Variants in EDIL3 observed in about 807,000 individuals in gnomAD.
EDIL3 encodes the protein EGF-like repeat and discoidin I-like domain-containing protein 3.
Under a neutral mutation model 67.4 loss-of-function variants are expected in EDIL3, and 37 were observed. That is an observed-to-expected ratio of 0.55 (90% CI 0.42 to 0.72). EDIL3 has a LOEUF of 0.72. Ranked by LOEUF, EDIL3 falls within the 30% of genes least tolerant of loss-of-function variation. The pLI is 0.00. For synonymous variants in EDIL3, 195 were observed against 196.3 expected, an observed-to-expected ratio of 0.99 and a Z score of 0.05; for missense variants, 527 against 586.3, an observed-to-expected ratio of 0.90 and a Z score of 1.04.
At chr5:84,093,486 G>T (rs1041770591) in intron 6 of EDIL3, among the ~76,000 whole-genome samples, 1 of 152,082 alleles carries the variant, frequency 6.6e-6, no homozygotes, top group Non-Finnish European at 1.5e-5. Context: ...GAATGATGGG[G>T]CTGAATCTAA....
At chr5:84,070,895 T>A (rs1387092783) in intron 6 of EDIL3, among the ~76,000 whole-genome samples, 1 of 152,176 alleles carries the variant, frequency 6.6e-6, no homozygotes, top group African/African-American at 2.4e-5. Context: ...TGAGGGTAAC[T>A]CCAAGGGCTC....
At chr5:84,346,445 T>C (rs1171389063) in intron 1 of EDIL3, among the ~76,000 whole-genome samples, 1 of 152,202 alleles carries the variant, frequency 6.6e-6, no homozygotes, top group Middle Eastern at 3.2e-3. Flanking sequence ...GTTCAGATCC[T>C]AGAGTCACAG....
chr5:84,266,866 T>C (rs1745363486), intron 1 of EDIL3, among the ~76,000 whole-genome samples: 1 of 152,208 alleles, frequency 6.6e-6, no homozygotes, highest in South Asian at 2.1e-4. Context: ...TTAGTATATT[T>C]TATCATTTTA....
At chr5:84,292,619 AT>A (rs545368255) in intron 1 of EDIL3, among the ~76,000 whole-genome samples, 1 of 152,230 alleles carries the variant, frequency 6.6e-6, no homozygotes, top group Admixed American at 6.5e-5. Context: ...ATTATATCCT[AT>A]TTTTTTAAGA....
intron 6 of EDIL3, among the ~76,000 whole-genome samples, chr5:84,069,745 G>C (rs1746703417): frequency 6.6e-6 from 1 of 152,086 alleles, no homozygotes; most frequent in South Asian, 2.1e-4. Flanking sequence ...TCCACCCTCG[G>C]GCCTGTGCCC....
At chr5:84,148,358 G>C (rs1748324649) in intron 4 of EDIL3, among the ~76,000 whole-genome samples, 1 of 152,076 alleles carries the variant, frequency 6.6e-6, no homozygotes, top group Non-Finnish European at 1.5e-5. Context: ...AGGAATGAAA[G>C]GCAGCATTTA....
chr5:84,072,509 G>T (rs544407666), intron 6 of EDIL3, among the ~76,000 whole-genome samples: 13 of 152,186 alleles, frequency 8.5e-5, no homozygotes, highest in African/African-American at 3.1e-4. Context: ...GACTATAAAT[G>T]ACATAGTTTT....
chr5:84,010,270 A>G (rs1458165267), intron 9 of EDIL3, among the ~76,000 whole-genome samples: 2 of 152,182 alleles, frequency 1.3e-5, no homozygotes, highest in Non-Finnish European at 2.9e-5. Flanking sequence ...TTTTCTTACA[A>G]TTACCTCACA....
chr5:84,050,332 G>A (rs1337053537), intron 9 of EDIL3, among the ~76,000 whole-genome samples: 2 of 152,066 alleles, frequency 1.3e-5, no homozygotes, highest in Admixed American at 1.3e-4. Flanking sequence ...GAGATTTGAG[G>A]CAGTTCCAAC....
rs567680743 is a variant in EDIL3, at chr5:84,178,380, A to G, written c.355+2013T>C. Among the ~76,000 whole-genome samples, 90 of 152,272 alleles carry G rather than the reference A, an allele frequency of 5.9e-4. 1 individual carries two copies. The highest frequency in any genetic ancestry group is 5.7e-3 in the Admixed American group (87 of 15,290). On this transcript the variant is annotated intron_variant, in intron 4 of 10. Transcript: ENST00000296591. ...CATAAAACTATTACCACCATGAAAA[A>G]CAAACCCAGATACCTAGCAATCCTT...
chr5:84,362,221 CAAAA>C (rs1467644647), intron 1 of EDIL3, among the ~76,000 whole-genome samples: 1 of 152,024 alleles, frequency 6.6e-6, no homozygotes, highest in African/African-American at 2.4e-5. Flanking sequence ...ATTAGTGCAA[CAAAA>C]GAAAGAACAG....
intron 4 of EDIL3, among the ~76,000 whole-genome samples, chr5:84,149,379 C>A (rs983096670): frequency 6.6e-6 from 1 of 152,180 alleles, no homozygotes; most frequent in African/African-American, 2.4e-5. Context: ...ATTCCCACCA[C>A]TAAGACTGGA....
chr5:84,062,377 C>T (rs1746561038), intron 8 of EDIL3, among the ~76,000 whole-genome samples: 1 of 152,022 alleles, frequency 6.6e-6, no homozygotes, highest in Non-Finnish European at 1.5e-5. Flanking sequence ...GCAGGAGATA[C>T]AAGGGAAGAG....
chr5:84,237,701 T>C (rs1380905610), intron 2 of EDIL3, among the ~76,000 whole-genome samples: 2 of 152,166 alleles, frequency 1.3e-5, no homozygotes, highest in East Asian at 3.9e-4. Flanking sequence ...TGTAAAATAT[T>C]TGCTTTTTGT....
At chr5:84,208,943 T>C (rs1387239120) in intron 3 of EDIL3, among the ~76,000 whole-genome samples, 4 of 152,136 alleles carry the variant, frequency 2.6e-5, no homozygotes, top group Non-Finnish European at 5.9e-5. Context: ...TATTGCGGCA[T>C]TATTCACAAT....
chr5:84,024,698 G>A (rs1164533805), intron 9 of EDIL3, among the ~76,000 whole-genome samples: 2 of 152,206 alleles, frequency 1.3e-5, no homozygotes, highest in East Asian at 3.9e-4. Context: ...CAAATATTTA[G>A]TGAAAATTAG....
At chr5:84,070,935 T>C (rs1746730068) in intron 6 of EDIL3, among the ~76,000 whole-genome samples, 1 of 152,186 alleles carries the variant, frequency 6.6e-6, no homozygotes, top group Admixed American at 6.5e-5. Context: ...GGAAGAACTT[T>C]CTAAATGTTC....
chr5:84,338,367 T>A (rs1312346509), intron 1 of EDIL3, among the ~76,000 whole-genome samples: 1 of 152,204 alleles, frequency 6.6e-6, no homozygotes, highest in African/African-American at 2.4e-5. Context: ...CCATCTGCCA[T>A]GAGAGGACCA....
intron 3 of EDIL3, among the ~76,000 whole-genome samples, chr5:84,229,639 G>A (rs572419739): frequency 4.6e-5 from 7 of 151,718 alleles, no homozygotes; most frequent in Admixed American, 2.0e-4. Context: ...GTATTAGTTC[G>A]TTTCAAGACT....
Sources: gnomAD v4.1 joint callset for allele counts (sites outside exome capture counted in the v4.1 genomes callset) on GRCh38, gnomAD v4.1.1 for gene constraint, MANE v1.5 for transcripts, NCBI Gene and HGNC (gene_info 2026-07-23, HGNC 2026-07-21) for gene names.